STYX: variants seen among roughly 807,000 people sequenced by gnomAD.
STYX encodes the protein serine/threonine/tyrosine-interacting protein.
In STYX, 20 loss-of-function variants were observed where a neutral mutation model predicts 42.7. The ratio of observed to expected loss-of-function variants is 0.47; its 90% CI spans 0.33 to 0.68. The LOEUF is 0.68. Among genes scored for constraint, STYX ranks in the 30% least tolerant of loss-of-function variants. The pLI, the probability that STYX is intolerant of heterozygous loss-of-function variation, is 0.02. For missense variants in STYX, 226 were observed against 268.5 expected (o/e 0.84, Z 1.11); for synonymous variants, 78 against 81.9 (o/e 0.95, Z 0.26).
At chr14:52,755,121 G>GTTTTTTTTTTTTTTTTTTTTTTTTT (rs537098365) in intron 4 of STYX, among the ~76,000 whole-genome samples, 2 of 139,306 alleles carry the variant, frequency 1.4e-5, no homozygotes. Flanking sequence ...TTGTTTTTTT[G>GTTTTTTTTTTTTTTTTTTTTTTTTT]TTTTTTTTTT....
chr14:52,758,206 G>A (rs137988235), intron 8 of STYX, among the ~76,000 whole-genome samples: 1 of 152,278 alleles, frequency 6.6e-6, no homozygotes, highest in East Asian at 1.9e-4. Context: ...GTTAGTGCTT[G>A]CCTTATTTAA....
intron 2 of STYX, among the ~76,000 whole-genome samples, chr14:52,746,121 T>A (rs1451539530): frequency 6.6e-6 from 1 of 152,178 alleles, no homozygotes; most frequent in Non-Finnish European, 1.5e-5. Flanking sequence ...ATAATTTGCT[T>A]CTATTAACTA....
intron 1 of STYX, among the ~76,000 whole-genome samples, chr14:52,739,738 C>T (rs1259578540): frequency 5.4e-5 from 8 of 148,488 alleles, no homozygotes; most frequent in Non-Finnish European, 8.9e-5. Flanking sequence ...ACCTCCCAAG[C>T]CCGAGTGATC....
At chr14:52,759,421 CTT>C (rs2139922354) in intron 8 of STYX, among the ~76,000 whole-genome samples, 1 of 152,296 alleles carries the variant, frequency 6.6e-6, no homozygotes, top group African/African-American at 2.4e-5. Context: ...CACCTGGCCA[CTT>C]TACACTTACC....
intron 3 of STYX, among the ~76,000 whole-genome samples, chr14:52,749,463 C>G (rs954750261): frequency 2.0e-5 from 3 of 152,098 alleles, no homozygotes; most frequent in Non-Finnish European, 2.9e-5. Context: ...AACAATGTGT[C>G]AAGAAATTCA....
chr14:52,753,955 G>T (rs1448496803), intron 4 of STYX, among the ~76,000 whole-genome samples: 1 of 117,022 alleles, frequency 8.5e-6, no homozygotes, highest in Non-Finnish European at 1.6e-5. Context: ...AGGCTAGAAT[G>T]CAGGGCTCAC....
At chr14:52,757,973 T>C in intron 8 of STYX, 49 bp downstream of exon 8, 1 of 1,580,240 alleles carries the variant, frequency 6.3e-7, no homozygotes, top group Non-Finnish European at 8.6e-7. Flanking sequence ...CTCATTAAAA[T>C]GAAACTTAAT....
In STYX at chr14:52,747,837, C is replaced by T. The variant is rs139699719; in HGVS notation, c.144+1358C>T. ...CAAAACCCCGTCTCTACTAAAAATA[C>T]AAAAATTAGCTGGTTATGGTGGTAC... is the stretch of plus-strand genomic sequence containing the variant. On this transcript the variant is annotated intron_variant, in intron 3 of 10. Coordinates refer to ENST00000354586, the MANE Select transcript of STYX (RefSeq NM_145251.4). Among the ~76,000 whole-genome samples, 1,179 of 152,250 alleles carry T rather than the reference C, an allele frequency of 7.7e-3. 19 individuals carry two copies. The highest frequency in any genetic ancestry group is 0.026 in the African/African-American group (1,079 of 41,548).
At chr14:52,734,155 T>C (rs1880850342) in intron 1 of STYX, among the ~76,000 whole-genome samples, 1 of 152,310 alleles carries the variant, frequency 6.6e-6, no homozygotes, top group East Asian at 1.9e-4. Flanking sequence ...ACAGCCAATT[T>C]CCCGTCTACT....
intron 1 of STYX, among the ~76,000 whole-genome samples, chr14:52,741,138 A>T (rs552577482): frequency 6.6e-6 from 1 of 151,894 alleles, no homozygotes; most frequent in Admixed American, 6.6e-5. Context: ...TAGACATTTG[A>T]GTTCTTTGAG....
At chr14:52,744,157 C>G (rs1262378112) in intron 1 of STYX, among the ~76,000 whole-genome samples, 3 of 152,160 alleles carry the variant, frequency 2.0e-5, no homozygotes, top group East Asian at 3.8e-4. Flanking sequence ...TTTCAATTCA[C>G]TATACTTTTT....
At chr14:52,749,649 T>C (rs1881532569) in intron 3 of STYX, among the ~76,000 whole-genome samples, 1 of 152,224 alleles carries the variant, frequency 6.6e-6, no homozygotes, top group South Asian at 2.1e-4. Flanking sequence ...AACTTAATGC[T>C]CTAGGTAATA....
At chr14:52,751,885 C>T (rs545077861) in intron 4 of STYX, among the ~76,000 whole-genome samples, 3 of 152,134 alleles carry the variant, frequency 2.0e-5, no homozygotes, top group South Asian at 4.2e-4. Flanking sequence ...TATTTTAGGC[C>T]AGCACGGTGG....
At chr14:52,750,435 A>G (rs1881565951) in intron 3 of STYX, among the ~76,000 whole-genome samples, 1 of 152,174 alleles carries the variant, frequency 6.6e-6, no homozygotes, top group African/African-American at 2.4e-5. Context: ...GGTTCCATCA[A>G]GCTCTAAAAT....
intron 9 of STYX, among the ~76,000 whole-genome samples, chr14:52,764,954 C>A (rs972080314): frequency 2.0e-5 from 3 of 152,158 alleles, no homozygotes; most frequent in Non-Finnish European, 4.4e-5. Flanking sequence ...CGGGCGTGAG[C>A]CACGGCGCCC....
chr14:52,769,208 G>T (rs1310276122), intron 10 of STYX, among the ~76,000 whole-genome samples: 2 of 152,054 alleles, frequency 1.3e-5, no homozygotes, highest in African/African-American at 4.8e-5. Context: ...AAAGTAGAGG[G>T]CGGTTAATAC....
intron 9 of STYX, among the ~76,000 whole-genome samples, chr14:52,763,095 A>G (rs1235834181): frequency 1.3e-5 from 2 of 151,350 alleles, no homozygotes; most frequent in African/African-American, 2.4e-5. Flanking sequence ...GTTTCACCAC[A>G]TTGGCCAGGC....
intron 4 of STYX, among the ~76,000 whole-genome samples, chr14:52,752,898 T>TTG (rs1881684699): frequency 6.9e-6 from 1 of 145,660 alleles, no homozygotes; most frequent in Non-Finnish European, 1.5e-5. Flanking sequence ...TTTTTTTTTT[T>TTG]GAGATGGAGT....
At chr14:52,764,887 T>C (rs1251140705) in intron 9 of STYX, among the ~76,000 whole-genome samples, 1 of 152,126 alleles carries the variant, frequency 6.6e-6, no homozygotes, top group Non-Finnish European at 1.5e-5. Context: ...CAGGATGGTC[T>C]CGAATTCCTG....
Sources: allele counts gnomAD v4.1 joint callset (sites outside exome capture counted in the v4.1 genomes callset), GRCh38; gene constraint gnomAD v4.1.1; transcripts MANE v1.5; gene names NCBI Gene and HGNC (gene_info 2026-07-23, HGNC 2026-07-21).